Variants in COLEC10 observed in about 807,000 individuals in gnomAD.
COLEC10 encodes collectin-10.
In COLEC10, 22 loss-of-function variants were observed where a neutral mutation model predicts 28.4. The observed-to-expected ratio is 0.78, with a 90% CI of 0.55 to 1.11. COLEC10 has a LOEUF of 1.11. Among genes scored for constraint, COLEC10 ranks in the 50% least tolerant of loss-of-function variants. COLEC10 has a pLI of 0.00. For missense variants in COLEC10, 361 were observed against 344.1 expected, an observed-to-expected ratio of 1.05 and a Z score of -0.39; for synonymous variants, 125 against 116.1, an observed-to-expected ratio of 1.08 and a Z score of -0.49.
At chr8:119,081,573 A>AT (rs1563737803) in intron 1 of COLEC10, among the ~76,000 whole-genome samples, 1 of 152,176 alleles carries the variant, frequency 6.6e-6, no homozygotes, top group African/African-American at 2.4e-5. Context: ...AATGAAAAAA[A>AT]TGTTTTTCGA....
At chr8:118,996,556 G>T (rs1209268408) in intron 1 of COLEC10, among the ~76,000 whole-genome samples, 1 of 152,068 alleles carries the variant, frequency 6.6e-6, no homozygotes, top group Non-Finnish European at 1.5e-5. Flanking sequence ...TATTCTAAAA[G>T]GTGTGAGGTG....
chr8:119,061,575 C>A (rs1317315303), intron 2 of COLEC10, among the ~76,000 whole-genome samples: 2 of 151,878 alleles, frequency 1.3e-5, no homozygotes, highest in East Asian at 1.9e-4. Flanking sequence ...TATCTTTATA[C>A]CTCAGGGTAA....
rs1356708380 is a variant in COLEC10, at chr8:119,091,179, A to G, written c.251A>G (p.Asp84Gly). The G allele has an allele frequency of 6.2e-7, 1 of 1,613,032 alleles. No homozygotes were observed. The highest frequency in any genetic ancestry group is 1.7e-5 in the Admixed American group (1 of 59,870). Residue 84 changes from aspartate to glycine, a missense_variant, in exon 3 of 6, where the codon GAT becomes GGT. By Grantham distance (94) the Asp-to-Gly change is moderately conservative. Transcript: ENST00000332843. ...AAAGGAGAACTGGGTGATATGGGAGATCAGGGCAATATTGGCAAGACTGGG... is the reference window on the plus strand; with the variant it reads ...AAAGGAGAACTGGGTGATATGGGAGGTCAGGGCAATATTGGCAAGACTGGG... ...GIKGELGDMGDQGNIGKTGPI... is the reference protein window; with the variant it reads ...GIKGELGDMGGQGNIGKTGPI...
chr8:119,102,390 AAG>A lies in COLEC10; in HGVS notation c.336_337del (p.Gly113GlnfsTer7). Reference sequence around the variant, plus strand: ...GGTTTGCTTGGAATACCTGGAGAAAAAGGCAAAGCAGGTACGATATGTTCAAT... The same window carrying A: ...GGTTTGCTTGGAATACCTGGAGAAAAGCAAAGCAGGTACGATATGTTCAAT... On this transcript the variant is annotated frameshift_variant, in exon 4 of 6. Coordinates refer to ENST00000332843, the MANE Select transcript of COLEC10 (RefSeq NM_006438.5). LOFTEE classifies it high-confidence loss of function. 6.2e-7 allele frequency: 1 copy of A among 1,610,118 alleles called. No individual in the cohort carries two copies. Among genetic ancestry groups the A allele is most frequent in the Non-Finnish European group, 8.5e-7 (1 of 1,178,006 alleles).
chr8:119,044,841 T>C (rs1174273178), intron 2 of COLEC10, among the ~76,000 whole-genome samples: 1 of 146,022 alleles, frequency 6.8e-6, no homozygotes, highest in African/African-American at 2.5e-5. Context: ...TGAGACTGTC[T>C]CCAAAAAAAA....
the COLEC10 span, among the ~76,000 whole-genome samples, chr8:118,983,561 G>C: frequency 4.6e-5 from 7 of 152,062 alleles, no homozygotes; most frequent in African/African-American, 1.7e-4. Context: ...TGGAACTTGT[G>C]AATAGGACCT....
intron 2 of COLEC10, among the ~76,000 whole-genome samples, chr8:119,051,797 G>A (rs1213498369): frequency 1.3e-5 from 2 of 152,134 alleles, no homozygotes; most frequent in Non-Finnish European, 2.9e-5. Context: ...TGTGGCAAGC[G>A]ATAAAGTTAA....
At chr8:119,005,802 G>T (rs185701632) in intron 1 of COLEC10, among the ~76,000 whole-genome samples, 34 of 152,202 alleles carry the variant, frequency 2.2e-4, no homozygotes, top group African/African-American at 6.7e-4. Flanking sequence ...AACATATAAA[G>T]GCTATCACAT....
intron 2 of COLEC10, among the ~76,000 whole-genome samples, chr8:119,026,513 CA>C (rs1814193981): frequency 6.6e-6 from 1 of 152,074 alleles, no homozygotes; most frequent in African/African-American, 2.4e-5. Flanking sequence ...GGCTGCAGAG[CA>C]AGATCCTATC....
intron 3 of COLEC10, among the ~76,000 whole-genome samples, chr8:119,093,658 T>G (rs1383269888): frequency 6.6e-6 from 1 of 152,218 alleles, no homozygotes; most frequent in African/African-American, 2.4e-5. Flanking sequence ...TCTTAACATT[T>G]TTTAAAGATA....
the COLEC10 span, chr8:118,976,755 T>C: frequency 1.3e-5 from 2 of 152,116 alleles, no homozygotes; most frequent in African/African-American, 4.8e-5. Flanking sequence ...AAATGGGATC[T>C]AATTAAACTA....
chr8:119,073,463 A>C (rs1471354997), intron 1 of COLEC10, among the ~76,000 whole-genome samples: 4 of 152,194 alleles, frequency 2.6e-5, no homozygotes, highest in African/African-American at 9.6e-5. Context: ...TGTTTTCCCA[A>C]AACTTTTTAT....
chr8:119,106,099 T>C lies in COLEC10; in HGVS notation c.742T>C (p.Cys248Arg), dbSNP rs1815936656. The change falls in exon 6 of 6, where the codon TGT (cysteine) becomes CGT (arginine). Residue 248 changes from cysteine to arginine, a missense_variant. Around this residue, in one of 3 missense-constraint regions of COLEC10, gnomAD observed 335 missense variants for 308.5 expected, o/e 1.09. Coordinates refer to ENST00000332843, the MANE Select transcript of COLEC10 (RefSeq NM_006438.5). ...EPSDPYGHEDCVEMLSSGRWN... is the reference protein window; with the variant it reads ...EPSDPYGHEDRVEMLSSGRWN... ...CAGCGACCCCTATGGTCATGAGGACTGTGTGGAGATGCTGAGCTCTGGCAG... is the reference window on the plus strand; with the variant it reads ...CAGCGACCCCTATGGTCATGAGGACCGTGTGGAGATGCTGAGCTCTGGCAG... 2 of 1,613,862 alleles carry C rather than the reference T, an allele frequency of 1.2e-6. No homozygotes were observed. The highest frequency in any genetic ancestry group is 1.3e-5 in the African/African-American group (1 of 75,024).
At chr8:119,046,388 T>G (rs1814588886) in intron 2 of COLEC10, among the ~76,000 whole-genome samples, 1 of 152,190 alleles carries the variant, frequency 6.6e-6, no homozygotes, top group Admixed American at 6.5e-5. Context: ...CCTCTTTTTA[T>G]TTTATCCTTG....
chr8:118,968,017 A>G, the COLEC10 span, among the ~76,000 whole-genome samples: 7 of 152,264 alleles, frequency 4.6e-5, no homozygotes, highest in Admixed American at 3.9e-4. Flanking sequence ...CAAGAAAATG[A>G]CAGTTCTTTA....
At chr8:119,010,131 G>C (rs564645763) in intron 2 of COLEC10, among the ~76,000 whole-genome samples, 1 of 150,802 alleles carries the variant, frequency 6.6e-6, no homozygotes, top group South Asian at 2.1e-4. Flanking sequence ...ATGCAGAATA[G>C]TTCCCCTGAC....
the COLEC10 span, among the ~76,000 whole-genome samples, chr8:118,984,185 A>C: frequency 6.6e-6 from 1 of 152,148 alleles, no homozygotes; most frequent in African/African-American, 2.4e-5. Context: ...CCTTTGCAGC[A>C]ACATGGATGG....
rs182771872 is a variant in COLEC10 at position 119,107,168 on chromosome 8, G to A, written c.*977G>A. Among the ~76,000 whole-genome samples, 17 of 152,196 alleles carry A rather than the reference G, an allele frequency of 1.1e-4. No individual in the cohort carries two copies. The East Asian group carries it at 3.1e-3, about 28-fold the overall frequency. On this transcript the variant is annotated 3_prime_UTR_variant, in exon 6 of 6. Coordinates refer to ENST00000332843, the MANE Select transcript of COLEC10 (RefSeq NM_006438.5). ...AAAGTGCTACCAACATCATCTCCAGGCCCCCTCATCCTTGCCTCTAACATA... is the reference window on the plus strand; with the variant it reads ...AAAGTGCTACCAACATCATCTCCAGACCCCCTCATCCTTGCCTCTAACATA...
intron 4 of COLEC10, 49 bp from the exon 5 acceptor site, chr8:119,103,751 T>C (rs185563786): frequency 9.1e-7 from 1 of 1,093,512 alleles, no homozygotes. Flanking sequence ...TCCTTTCCAC[T>C]GGTCTGCAGG....
Sources: allele counts gnomAD v4.1 joint callset (sites outside exome capture counted in the v4.1 genomes callset), GRCh38; gene constraint gnomAD v4.1.1; regional missense constraint gnomAD v4.1.1; transcripts MANE v1.5; gene names NCBI Gene and HGNC (gene_info 2026-07-23, HGNC 2026-07-21).